Variants in PLCL2 observed in about 807,000 individuals in gnomAD.
PLCL2 encodes the protein phospholipase C like 2, also known as inactive phospholipase C-like protein 2.
A neutral mutation model predicts 79.6 loss-of-function variants in PLCL2; 4 were observed. The ratio of observed to expected loss-of-function variants is 0.05; its 90% CI spans 0.02 to 0.11. The LOEUF is 0.11. Among genes scored for constraint, PLCL2 ranks in the 10% least tolerant of loss-of-function variants. The pLI, the probability that PLCL2 is intolerant of heterozygous loss-of-function variation, is 1.00. For synonymous variants in PLCL2, 484 were observed against 457.7 expected, an observed-to-expected ratio of 1.06 and a Z score of -0.73; for missense variants, 895 against 1,291.0, an observed-to-expected ratio of 0.69 and a Z score of 4.70.
rs370795462 is a variant in PLCL2, at chr3:17,055,126, A to G, written c.3094+12177A>G. Among the ~76,000 whole-genome samples the G allele has an allele frequency of 2.1e-4, 32 of 152,336 alleles. No individual in the cohort carries two copies. In the South Asian group the frequency reaches 6.6e-3, roughly 32 times the overall value. On this transcript the variant is annotated intron_variant, in intron 4 of 5. Transcript: ENST00000615277. ...CAGGACACATAAATTGTAGCCCATC[A>G]TCATTACTTTCAAGGAGGAAAGTTA... is the stretch of plus-strand genomic sequence containing the variant.
chr3:16,986,369 C>T (rs2064050549), intron 1 of PLCL2, among the ~76,000 whole-genome samples: 1 of 151,926 alleles, frequency 6.6e-6, no homozygotes, highest in South Asian at 2.1e-4. Flanking sequence ...GTGTGAACCA[C>T]CCCAGAGATG....
At chr3:16,981,123 GT>G (rs2063992054) in intron 1 of PLCL2, among the ~76,000 whole-genome samples, 3 of 149,842 alleles carry the variant, frequency 2.0e-5, no homozygotes, top group Admixed American at 6.6e-5. Context: ...GAGGGAGACC[GT>G]GGAAAGAGAG....
chr3:17,066,359 A>G (rs536762965), intron 4 of PLCL2, among the ~76,000 whole-genome samples: 72 of 152,340 alleles, frequency 4.7e-4, no homozygotes, highest in African/African-American at 1.6e-3. Flanking sequence ...GGAAAAAGAA[A>G]CACAGAAGTA....
chr3:16,901,399 A>G (rs1198257880), intron 1 of PLCL2, among the ~76,000 whole-genome samples: 1 of 151,630 alleles, frequency 6.6e-6, no homozygotes, highest in African/African-American at 2.4e-5. Context: ...AGAGAGCAGG[A>G]CTCCACTCCA....
chr3:16,889,455 A>G (rs1696298220), intron 1 of PLCL2, among the ~76,000 whole-genome samples: 1 of 152,232 alleles, frequency 6.6e-6, no homozygotes, highest in Non-Finnish European at 1.5e-5. Flanking sequence ...CAGATAACAT[A>G]GCCAGGAGGC....
intron 5 of PLCL2, among the ~76,000 whole-genome samples, chr3:17,080,698 A>G (rs998345140): frequency 2.0e-5 from 3 of 152,086 alleles, no homozygotes; most frequent in African/African-American, 7.2e-5. Context: ...TGATCCGCCC[A>G]CCTCGGCCTC....
rs200003549 is a variant in PLCL2, at chr3:17,011,554, G to A, written c.2208G>A (p.Glu736=). Residue 736 remains glutamate, a synonymous_variant, in exon 2 of 6, where the codon GAG becomes GAA. Coordinates refer to ENST00000615277, the MANE Select transcript of PLCL2 (RefSeq NM_001144382.2). The surrounding 1 kb of genome is among the most constrained non-coding windows in gnomAD (Gnocchi z 7.9). ...TCCGGCCAGCCATCATGAGGGAGGA[G>A]GTCTCCTTCTTCAGCGCCAATACAA... ...YVLRPAIMRE[E]VSFFSANTKD... 1.7e-5 allele frequency: 27 copies of A among 1,613,992 alleles called. No homozygotes were observed. Among genetic ancestry groups the A allele is most frequent in the Non-Finnish European group, 2.2e-5 (26 of 1,180,022 alleles).
At chr3:16,895,407 G>A (rs1696456189) in intron 1 of PLCL2, among the ~76,000 whole-genome samples, 1 of 152,016 alleles carries the variant, frequency 6.6e-6, no homozygotes, top group South Asian at 2.1e-4. Flanking sequence ...GTGTGAGGTA[G>A]GGTTAAAGAT....
intron 3 of PLCL2, among the ~76,000 whole-genome samples, chr3:17,021,948 A>G (rs2064459737): frequency 6.6e-6 from 1 of 152,170 alleles, no homozygotes; most frequent in Admixed American, 6.5e-5. Context: ...TGAATGAGAA[A>G]TGGGACCCGG....
chr3:17,073,227 A>G (rs2065077706), intron 5 of PLCL2, among the ~76,000 whole-genome samples: 1 of 152,236 alleles, frequency 6.6e-6, no homozygotes, highest in African/African-American at 2.4e-5. Context: ...GACCATGGCA[A>G]TAAAGCAAAT....
chr3:17,042,366 G>C (rs900310556), intron 3 of PLCL2, among the ~76,000 whole-genome samples: 5 of 152,080 alleles, frequency 3.3e-5, no homozygotes, highest in Admixed American at 3.3e-4. Context: ...TAGTTTTAGA[G>C]GTACTATTAG....
intron 4 of PLCL2, among the ~76,000 whole-genome samples, chr3:17,062,497 T>C (rs926625577): frequency 6.6e-6 from 1 of 152,196 alleles, no homozygotes; most frequent in African/African-American, 2.4e-5. Flanking sequence ...GGAATCCTAG[T>C]TCCTCCCCCT....
At chr3:17,049,182 T>C (rs987072309) in intron 4 of PLCL2, among the ~76,000 whole-genome samples, 6 of 151,868 alleles carry the variant, frequency 4.0e-5, no homozygotes, top group Admixed American at 1.3e-4. Flanking sequence ...TAGACTAATA[T>C]GATTTAAAAA....
intron 1 of PLCL2, among the ~76,000 whole-genome samples, chr3:16,911,054 AC>A (rs1319993943): frequency 1.3e-5 from 2 of 152,130 alleles, no homozygotes; most frequent in Admixed American, 1.3e-4. Flanking sequence ...GGAGTTCGAG[AC>A]CAACCTGGCC....
chr3:16,910,700 A>G (rs1266762306), intron 1 of PLCL2, among the ~76,000 whole-genome samples: 1 of 151,960 alleles, frequency 6.6e-6, no homozygotes. Flanking sequence ...TATATGTCCT[A>G]CTAGATTTTT....
intron 1 of PLCL2, among the ~76,000 whole-genome samples, chr3:16,911,600 A>G (rs920813480): frequency 1.3e-5 from 2 of 152,172 alleles, no homozygotes; most frequent in Admixed American, 6.5e-5. Flanking sequence ...CTAATCATCT[A>G]TAAGCTTCAC....
chr3:16,984,385 T>C (rs922443305), intron 1 of PLCL2, among the ~76,000 whole-genome samples: 8 of 152,174 alleles, frequency 5.3e-5, no homozygotes, highest in Admixed American at 2.0e-4. Context: ...TTCAGAGAAA[T>C]AAGGTTTTAT....
chr3:16,984,490 G>A (rs1232676495), intron 1 of PLCL2, among the ~76,000 whole-genome samples: 2 of 152,086 alleles, frequency 1.3e-5, no homozygotes, highest in Non-Finnish European at 2.9e-5. Context: ...ATCTTTTCAG[G>A]ATTTATCTGT....
chr3:17,053,909 A>G (rs9985404), intron 4 of PLCL2, among the ~76,000 whole-genome samples: 90,519 of 151,914 alleles, frequency 0.6, 27,460 homozygotes, highest in African/African-American at 0.71. Flanking sequence ...CATTGTCCTG[A>G]CTATTAGTAT....
Sources: allele counts gnomAD v4.1 joint callset (sites outside exome capture counted in the v4.1 genomes callset), GRCh38; gene constraint gnomAD v4.1.1; non-coding constraint Gnocchi (gnomAD v3.1); transcripts MANE v1.5; gene names NCBI Gene and HGNC (gene_info 2026-07-23, HGNC 2026-07-21).